The following MINDY2 variants were observed in gnomAD, a reference collection of about 807,000 sequenced individuals.
The protein encoded by MINDY2 is MINDY lysine 48 deubiquitinase 2.
A neutral mutation model predicts 68.2 loss-of-function variants in MINDY2; 52 were observed. The observed-to-expected ratio is 0.76, with a 90% CI of 0.61 to 0.96. The LOEUF is 0.96. Among genes scored for constraint, MINDY2 ranks in the 40% least tolerant of loss-of-function variants. MINDY2 has a pLI of 0.00. For missense variants in MINDY2, 881 were observed against 773.4 expected, an observed-to-expected ratio of 1.14 and a Z score of -1.65; for synonymous variants, 372 against 303.0, an observed-to-expected ratio of 1.23 and a Z score of -2.36.
At chr15:58,799,612 G>A (rs970890681) in intron 2 of MINDY2, among the ~76,000 whole-genome samples, 20 of 151,208 alleles carry the variant, frequency 1.3e-4, no homozygotes, top group African/African-American at 4.6e-4. Flanking sequence ...CTAGTAGAGG[G>A]ATTGTAAGAG....
chr15:58,853,617 G>A (rs894951260), intron 8 of MINDY2, among the ~76,000 whole-genome samples: 2 of 151,776 alleles, frequency 1.3e-5, no homozygotes, highest in Non-Finnish European at 2.9e-5. Context: ...CCAGGAGTTC[G>A]AGACCAGCCT....
chr15:58,823,858 A>G (rs1400202835), intron 5 of MINDY2, among the ~76,000 whole-genome samples: 1 of 152,134 alleles, frequency 6.6e-6, no homozygotes, highest in Non-Finnish European at 1.5e-5. Flanking sequence ...ATGTATGGGG[A>G]AAAAAATTCC....
At chr15:58,823,917 A>T (rs527774184) in intron 5 of MINDY2, among the ~76,000 whole-genome samples, 2 of 152,330 alleles carry the variant, frequency 1.3e-5, no homozygotes, top group African/African-American at 4.8e-5. Context: ...ACCATAGATA[A>T]TTACTAAAAA....
chr15:58,795,746 A>G (rs541873090), intron 2 of MINDY2, among the ~76,000 whole-genome samples: 98 of 151,676 alleles, frequency 6.5e-4, no homozygotes, highest in African/African-American at 2.2e-3. Flanking sequence ...TGAAGGCTAT[A>G]AACCATTATA....
chr15:58,809,765 G>T (rs2030092077), intron 3 of MINDY2, among the ~76,000 whole-genome samples: 2 of 152,134 alleles, frequency 1.3e-5, no homozygotes, highest in Admixed American at 6.6e-5. Context: ...TTGCATAAGA[G>T]CATGGACTTT....
chr15:58,807,745 A>G (rs1483024857), intron 3 of MINDY2, among the ~76,000 whole-genome samples: 1 of 152,090 alleles, frequency 6.6e-6, no homozygotes, highest in African/African-American at 2.4e-5. Flanking sequence ...AATCTGACAA[A>G]CAAGTCTTTG....
intron 2 of MINDY2, among the ~76,000 whole-genome samples, chr15:58,792,276 C>T (rs890555802): frequency 9.9e-5 from 15 of 152,186 alleles, no homozygotes; most frequent in African/African-American, 3.6e-4. Context: ...TAGGTATTTA[C>T]CCAAGAGAAG....
At position 58,793,983 on chromosome 15, in the gene MINDY2, A is replaced by G. The variant is rs574869402; in HGVS notation, c.898+6020A>G. 1.0e-3 allele frequency among the ~76,000 whole-genome samples: 157 copies of G among 152,278 alleles called. 1 individual carries two copies. The highest frequency in any genetic ancestry group is 3.7e-3 in the African/African-American group (152 of 41,574). On this transcript the variant is annotated intron_variant, in intron 2 of 8. Transcript: ENST00000559228. ...TGTTTTCTCAGTCACGTTCAGCTGCACGAGTCCAGGCCTGAATAATGGGAG... is the reference window on the plus strand; with the variant it reads ...TGTTTTCTCAGTCACGTTCAGCTGCGCGAGTCCAGGCCTGAATAATGGGAG...
intron 2 of MINDY2, among the ~76,000 whole-genome samples, chr15:58,798,410 C>T (rs1448632518): frequency 6.6e-6 from 1 of 151,790 alleles, no homozygotes; most frequent in Non-Finnish European, 1.5e-5. Flanking sequence ...CAGGCGTGAG[C>T]CACCACACCC....
At chr15:58,811,174 T>C (rs1374401064) in intron 4 of MINDY2, among the ~76,000 whole-genome samples, 1 of 152,190 alleles carries the variant, frequency 6.6e-6, no homozygotes, top group Non-Finnish European at 1.5e-5. Context: ...GGGACAAAGG[T>C]CAAACCTCTC....
chr15:58,834,004 G>A (rs149908345), intron 6 of MINDY2, among the ~76,000 whole-genome samples: 6 of 152,196 alleles, frequency 3.9e-5, no homozygotes, highest in Non-Finnish European at 8.8e-5. Flanking sequence ...GCAGCCTTCC[G>A]CAGTGTTTTG....
chr15:58,776,890 G>T (rs1490415105), intron 1 of MINDY2, among the ~76,000 whole-genome samples: 1 of 151,934 alleles, frequency 6.6e-6, no homozygotes, highest in East Asian at 1.9e-4. Flanking sequence ...AAAAAAGAGA[G>T]GTAGATGAAA....
intron 1 of MINDY2, among the ~76,000 whole-genome samples, chr15:58,779,174 C>T (rs940575563): frequency 6.6e-6 from 1 of 151,728 alleles, no homozygotes; most frequent in African/African-American, 2.4e-5. Context: ...GGATTACAGG[C>T]GTGAGTCACC....
At chr15:58,775,772 A>T (rs973951706) in intron 1 of MINDY2, among the ~76,000 whole-genome samples, 12 of 152,054 alleles carry the variant, frequency 7.9e-5, no homozygotes, top group African/African-American at 2.9e-4. Context: ...GGTTGTGTTG[A>T]GTTGGAAATG....
intron 7 of MINDY2, among the ~76,000 whole-genome samples, chr15:58,850,009 T>TCCCC (rs2032738032): frequency 6.6e-6 from 1 of 152,156 alleles, no homozygotes; most frequent in African/African-American, 2.4e-5. Flanking sequence ...AGTGCTGGGA[T>TCCCC]TACAGGCGTG....
rs2033054613 is a variant in MINDY2, at chr15:58,856,103, A to G, written c.*1493A>G. The G allele has an allele frequency of 6.5e-6, 1 of 152,780 alleles. No individual in the cohort carries two copies. Among genetic ancestry groups the G allele is most frequent in the East Asian group, 1.9e-4 (1 of 5,196 alleles). 9.5% of individuals were successfully genotyped at this position (152,780 alleles called of 1,614,324 possible). A position where few individuals can be genotyped will look rare whatever the true frequency, so the allele number is the denominator to read the frequency against. Reference sequence around the variant, plus strand: ...GTTTCTATATATAGTTTGGAAAACTATCCTTAATAGTCTGTTTTATATGCC... The same window carrying G: ...GTTTCTATATATAGTTTGGAAAACTGTCCTTAATAGTCTGTTTTATATGCC... On this transcript the variant is annotated 3_prime_UTR_variant, in exon 9 of 9. Transcript: ENST00000559228.
chr15:58,803,748 G>A (rs1202048977), intron 3 of MINDY2, among the ~76,000 whole-genome samples: 2 of 151,944 alleles, frequency 1.3e-5, no homozygotes, highest in African/African-American at 4.8e-5. Context: ...CCAGGGAGGC[G>A]GAGGTTGCAG....
intron 4 of MINDY2, among the ~76,000 whole-genome samples, chr15:58,812,784 G>C (rs1218108897): frequency 6.6e-6 from 1 of 152,214 alleles, no homozygotes; most frequent in Non-Finnish European, 1.5e-5. Context: ...CTTGTGCCCA[G>C]GAGGTTGAAG....
At chr15:58,821,248 A>C (rs1393070046) in intron 4 of MINDY2, among the ~76,000 whole-genome samples, 3 of 151,832 alleles carry the variant, frequency 2.0e-5, no homozygotes, top group Non-Finnish European at 4.4e-5. Flanking sequence ...ATAAGTAATA[A>C]AATGGAATAA....
Sources: allele counts gnomAD v4.1 joint callset (sites outside exome capture counted in the v4.1 genomes callset), GRCh38; gene constraint gnomAD v4.1.1; transcripts MANE v1.5; gene names NCBI Gene and HGNC (gene_info 2026-07-23, HGNC 2026-07-21).